NUP210L: variants seen among roughly 807,000 people sequenced by gnomAD.
NUP210L encodes the protein nucleoporin 210 like, also known as nuclear pore membrane glycoprotein 210-like.
Under a neutral mutation model 208.5 loss-of-function variants are expected in NUP210L, and 74 were observed. That is an observed-to-expected ratio of 0.35 (90% CI 0.29 to 0.43). The LOEUF (loss-of-function observed/expected upper bound fraction) is 0.43. Among genes scored for constraint, NUP210L ranks in the 20% least tolerant of loss-of-function variants. NUP210L has a pLI of 1.00. For synonymous variants in NUP210L, 780 were observed against 816.9 expected (o/e 0.95, Z 0.77); for missense variants, 1,843 against 2,289.4 (o/e 0.81, Z 3.98).
At chr1:154,062,086 A>G (rs1038287310) in intron 17 of NUP210L, among the ~76,000 whole-genome samples, 10 of 152,136 alleles carry the variant, frequency 6.6e-5, no homozygotes, top group Admixed American at 5.9e-4. Context: ...TCGGCCTCCC[A>G]AAGTGCTGGG....
chr1:154,081,323 A>G (rs1406123549), intron 16 of NUP210L, among the ~76,000 whole-genome samples: 1 of 152,172 alleles, frequency 6.6e-6, no homozygotes, highest in East Asian at 1.9e-4. Context: ...TAATACAAAA[A>G]TTGTTACTAA....
chr1:154,013,394 C>T (rs1272722634), intron 33 of NUP210L, among the ~76,000 whole-genome samples: 2 of 151,870 alleles, frequency 1.3e-5, no homozygotes, highest in Non-Finnish European at 2.9e-5. Flanking sequence ...GCCAGCATGG[C>T]GAAACCTCAC....
chr1:154,113,780 C>T (rs547261349), intron 12 of NUP210L, among the ~76,000 whole-genome samples: 47 of 144,566 alleles, frequency 3.3e-4, no homozygotes, highest in Non-Finnish European at 5.7e-4. Flanking sequence ...ATCGCTTGAA[C>T]CTGGGAGGTG....
intron 16 of NUP210L, among the ~76,000 whole-genome samples, chr1:154,084,592 C>A (rs1006521674): frequency 5.3e-5 from 8 of 151,410 alleles, no homozygotes; most frequent in Non-Finnish European, 1.2e-4. Context: ...AAATTTTTGT[C>A]TATTTATTTA....
exon 13 of NUP210L, chr1:154,104,187 T>G: frequency 1.2e-6 from 2 of 1,614,060 alleles, no homozygotes; most frequent in Non-Finnish European, 1.7e-6. Flanking sequence ...ACAGTTCCAT[T>G]TTGTTCAGTT....
chr1:154,033,934 A>AT (rs1476974024), intron 27 of NUP210L, among the ~76,000 whole-genome samples: 3 of 151,554 alleles, frequency 2.0e-5, no homozygotes, highest in African/African-American at 7.3e-5. Flanking sequence ...TTATTTATTT[A>AT]TTTTTTTGAG....
chr1:154,022,232 CATGCCTGG>C lies in NUP210L; in HGVS notation c.4402_4409del (p.Pro1468GlyfsTer13). 6.2e-7 allele frequency: 1 copy of C among 1,614,124 alleles called. No individual in the cohort carries two copies. The highest frequency in any genetic ancestry group is 2.2e-5 in the East Asian group (1 of 44,890). Reference sequence around the variant, plus strand: ...CTACAGCAACAGGAATATAATCTGCCATGCCTGGATGTCTCCGGTCCCAAAGCCCCACA... The same window carrying C: ...CTACAGCAACAGGAATATAATCTGCCATGTCTCCGGTCCCAAAGCCCCACA... On this transcript the variant is annotated frameshift_variant, in exon 32 of 40. Coordinates refer to ENST00000368559, the Ensembl canonical transcript of NUP210L. LOFTEE classifies it high-confidence loss of function.
intron 17 of NUP210L, among the ~76,000 whole-genome samples, chr1:154,065,007 T>C (rs1347479831): frequency 2.0e-5 from 3 of 150,718 alleles, no homozygotes; most frequent in African/African-American, 7.3e-5. Flanking sequence ...AACCGGGAGG[T>C]AGAGGTTGCA....
At chr1:154,040,239 T>G (rs1381097498) in intron 27 of NUP210L, among the ~76,000 whole-genome samples, 1 of 152,056 alleles carries the variant, frequency 6.6e-6, no homozygotes, top group Non-Finnish European at 1.5e-5. Context: ...TGGAAATAGC[T>G]TTCTAAAAGA....
chr1:154,053,506 G>A (rs372417629), intron 25 of NUP210L, among the ~76,000 whole-genome samples: 6 of 152,214 alleles, frequency 3.9e-5, no homozygotes, highest in Non-Finnish European at 7.3e-5. Context: ...TGACATGTTC[G>A]TTATGGCCAT....
chr1:154,015,722 A>AAAC (rs1553221823), intron 33 of NUP210L, among the ~76,000 whole-genome samples: 2 of 144,362 alleles, frequency 1.4e-5, no homozygotes, highest in East Asian at 4.1e-4. Context: ...TCTGTCTCAA[A>AAAC]ACACACACAC....
At chr1:154,064,202 CAGT>C (rs1196556390) in intron 17 of NUP210L, among the ~76,000 whole-genome samples, 1 of 151,850 alleles carries the variant, frequency 6.6e-6, no homozygotes, top group Non-Finnish European at 1.5e-5. Flanking sequence ...CTGGCCTAAA[CAGT>C]TATATTAATG....
chr1:154,082,701 G>A lies in NUP210L; in HGVS notation c.2361+6720C>T, dbSNP rs142370104. 2.8e-3 allele frequency among the ~76,000 whole-genome samples: 427 copies of A among 152,292 alleles called. 5 individuals are homozygous for A. The highest frequency in any genetic ancestry group is 9.6e-3 in the African/African-American group (401 of 41,564). On this transcript the variant is annotated intron_variant, in intron 16 of 39. Coordinates refer to ENST00000368559, the Ensembl canonical transcript of NUP210L. ...TTCTGGTAGGTTCTTGACCAATTACGGAACTGGTCAGAAACGGAGTTTGTT... is the reference window on the plus strand; with the variant it reads ...TTCTGGTAGGTTCTTGACCAATTACAGAACTGGTCAGAAACGGAGTTTGTT...
intron 33 of NUP210L, among the ~76,000 whole-genome samples, chr1:154,013,585 A>T (rs574351205): frequency 6.6e-6 from 1 of 151,594 alleles, no homozygotes; most frequent in East Asian, 1.9e-4. Flanking sequence ...AAAAAACAAA[A>T]CAAAACAAAC....
At chr1:154,085,411 A>T (rs1349265647) in intron 16 of NUP210L, among the ~76,000 whole-genome samples, 1 of 152,048 alleles carries the variant, frequency 6.6e-6, no homozygotes, top group Non-Finnish European at 1.5e-5. Context: ...GCATCAAAAA[A>T]GCAAAATATT....
At chr1:154,027,091 AAAAAAC>A (rs1228784405) in intron 29 of NUP210L, among the ~76,000 whole-genome samples, 1 of 143,312 alleles carries the variant, frequency 7.0e-6, no homozygotes, top group Non-Finnish European at 1.5e-5. Flanking sequence ...AAAAAAAAAA[AAAAAAC>A]AAAAAAAAAA....
intron 25 of NUP210L, among the ~76,000 whole-genome samples, chr1:154,050,959 CTATT>C (rs1359764442): frequency 6.6e-6 from 1 of 152,140 alleles, no homozygotes; most frequent in Non-Finnish European, 1.5e-5. Context: ...TTTGATATGC[CTATT>C]AATGTGAGTT....
rs888251243 is a variant in NUP210L at position 153,995,478 on chromosome 1, C to G, written c.5387-298G>C. Among the ~76,000 whole-genome samples the G allele has an allele frequency of 9.8e-5, 15 of 152,298 alleles. No individual in the cohort carries two copies. In the East Asian group the frequency reaches 2.1e-3, roughly 22 times the overall value. ...ACTTGGCTCAACCGCGTCTTTTTGA[C>G]TTCTTCCTATCTCCAGAGTAATACA... On this transcript the variant is annotated intron_variant, in intron 37 of 39. Coordinates refer to ENST00000368559, the Ensembl canonical transcript of NUP210L.
At chr1:154,099,941 CA>C (rs1357848017) in intron 14 of NUP210L, 56 bp downstream of exon 14, 1 of 1,539,458 alleles carries the variant, frequency 6.5e-7, no homozygotes, top group Non-Finnish European at 9.0e-7. Context: ...AGCCCATAAG[CA>C]GACATAGTTA....
Sources: allele counts gnomAD v4.1 joint callset (sites outside exome capture counted in the v4.1 genomes callset), GRCh38; gene constraint gnomAD v4.1.1; transcripts MANE v1.5; gene names NCBI Gene and HGNC (gene_info 2026-07-23, HGNC 2026-07-21).